FUT8: variants seen among roughly 807,000 people sequenced by gnomAD.
The protein encoded by FUT8 is alpha-(1,6)-fucosyltransferase.
Under a neutral mutation model 71.3 loss-of-function variants are expected in FUT8, and 29 were observed. The ratio of observed to expected loss-of-function variants is 0.41; its 90% confidence interval spans 0.30 to 0.55. The LOEUF is 0.55. Ranked by LOEUF, FUT8 falls within the 20% of genes least tolerant of loss-of-function variation. The probability of loss-of-function intolerance (pLI) is 0.34; values close to 1 mark genes in which losing one functional copy is unlikely to be tolerated. For synonymous variants in FUT8, 254 were observed against 239.3 expected (o/e 1.06, Z -0.57); for missense variants, 544 against 702.1 (o/e 0.77, Z 2.55).
chr14:65,405,697 C>T (rs927593748), upstream of FUT8, among the ~76,000 whole-genome samples: 1 of 152,212 alleles, frequency 6.6e-6, no homozygotes, highest in Non-Finnish European at 1.5e-5. Flanking sequence ...AACTACTGGT[C>T]AGCAAAACCT....
the FUT8 span, among the ~76,000 whole-genome samples, chr14:65,399,451 A>T: frequency 3.3e-5 from 5 of 152,254 alleles, no homozygotes; most frequent in African/African-American, 1.2e-4. Context: ...ATCCAAGGCC[A>T]TGAATGTTCA....
Position 65,742,178 on chromosome 14 carries a change from T to C in FUT8, c.1496T>C (p.Phe499Ser). ...NFHSLDDIYY[F>S]GGQNAHNQIA... ...CATTCTTTAGATGACATCTACTATT[T>C]TGGGGGCCAGAATGCCCACAATCAA... is the stretch of plus-strand genomic sequence containing the variant. Residue 499 changes from phenylalanine to serine, a missense_variant, in exon 11 of 11, where the codon TTT becomes TCT. Transcript: ENST00000673929. The C allele has an allele frequency of 6.2e-7, 1 of 1,613,168 alleles. No individual in the cohort carries two copies. The highest frequency in any genetic ancestry group is 1.1e-5 in the South Asian group (1 of 91,068).
At chr14:65,364,493 G>A in the FUT8 span, among the ~76,000 whole-genome samples, 21 of 152,218 alleles carry the variant, frequency 1.4e-4, no homozygotes, top group Non-Finnish European at 2.2e-4. Flanking sequence ...GTGAGCCACC[G>A]TGCCTGGCCT....
chr14:65,592,138 T>G (rs1161679448), intron 3 of FUT8, among the ~76,000 whole-genome samples: 2 of 152,174 alleles, frequency 1.3e-5, no homozygotes, highest in African/African-American at 4.8e-5. Flanking sequence ...TTTGTCAGCT[T>G]CATTTTTAAA....
rs143386625 is a variant in FUT8 at position 65,724,574 on chromosome 14, T to C, written c.1259+251T>C. On this transcript the variant is annotated intron_variant, in intron 9 of 10. Coordinates refer to ENST00000673929, the MANE Select transcript of FUT8 (RefSeq NM_001371533.1). ...ACTTACGCATTGTCACCAGCAATAA[T>C]CATTATTATCATTAAAAGTATCACC... Among the ~76,000 whole-genome samples the C allele has an allele frequency of 2.0e-3, 308 of 152,322 alleles. 1 individual carries two copies. The highest frequency in any genetic ancestry group is 0.014 in the Middle Eastern group (4 of 294).
chr14:65,615,636 G>C (rs1286684547), intron 3 of FUT8, among the ~76,000 whole-genome samples: 1 of 151,874 alleles, frequency 6.6e-6, no homozygotes. Context: ...CTTCACTTTT[G>C]TTACTCTCAA....
chr14:65,392,852 A>T, the FUT8 span, among the ~76,000 whole-genome samples: 1 of 152,236 alleles, frequency 6.6e-6, no homozygotes, highest in African/African-American at 2.4e-5. Flanking sequence ...GCCAATAAAA[A>T]TGCAGAACAC....
chr14:65,402,107 G>C, the FUT8 span, among the ~76,000 whole-genome samples: 1 of 151,594 alleles, frequency 6.6e-6, no homozygotes. Context: ...GTGATTCCTG[G>C]GTCCTTGCAC....
At chr14:65,366,388 C>T in the FUT8 span, among the ~76,000 whole-genome samples, 1 of 152,196 alleles carries the variant, frequency 6.6e-6, no homozygotes, top group African/African-American at 2.4e-5. Flanking sequence ...CTTAGAAAGA[C>T]TGGACATTGG....
intron 1 of FUT8, among the ~76,000 whole-genome samples, chr14:65,438,877 T>G (rs2065599982): frequency 6.6e-6 from 1 of 152,216 alleles, no homozygotes; most frequent in African/African-American, 2.4e-5. Flanking sequence ...TTGCTAGTTA[T>G]GTAGCACCTG....
At chr14:65,381,872 A>G in the FUT8 span, among the ~76,000 whole-genome samples, 1 of 152,148 alleles carries the variant, frequency 6.6e-6, no homozygotes, top group African/African-American at 2.4e-5. Context: ...CACCTTTTTA[A>G]TTGTAAGTTA....
intron 1 of FUT8, among the ~76,000 whole-genome samples, chr14:65,441,582 A>AAC (rs1407106193): frequency 1.3e-5 from 2 of 151,784 alleles, no homozygotes; most frequent in East Asian, 3.9e-4. Flanking sequence ...CTCTACTAAA[A>AAC]ACACACACAC....
intron 1 of FUT8, among the ~76,000 whole-genome samples, chr14:65,421,536 T>C (rs921797801): frequency 1.3e-5 from 2 of 152,220 alleles, no homozygotes; most frequent in East Asian, 3.8e-4. Context: ...GAAGGGTCCA[T>C]GTCATGAAGG....
At chr14:65,458,409 C>CTTTCTTGAATGAATAGTTTAAAG (rs74277739) in intron 2 of FUT8, among the ~76,000 whole-genome samples, 11,039 of 152,124 alleles carry the variant, frequency 0.073, 479 homozygotes, top group Admixed American at 0.12. Context: ...TCAGTTTAAA[C>CTTTCTTGAATGAATAGTTTAAAG]TTTCTTGAAT....
At chr14:65,377,181 G>A in the FUT8 span, among the ~76,000 whole-genome samples, 1 of 152,116 alleles carries the variant, frequency 6.6e-6, no homozygotes, top group African/African-American at 2.4e-5. Flanking sequence ...TATCCTACAT[G>A]CTGCAGCAGA....
intron 1 of FUT8, among the ~76,000 whole-genome samples, chr14:65,414,352 T>C (rs748117078): frequency 2.0e-5 from 3 of 152,206 alleles, no homozygotes; most frequent in Non-Finnish European, 4.4e-5. Context: ...GTTTTATGAC[T>C]AATTCTTTAA....
intron 3 of FUT8, among the ~76,000 whole-genome samples, chr14:65,598,227 A>AT (rs556117089): frequency 7.3e-4 from 110 of 150,666 alleles, no homozygotes; most frequent in Non-Finnish European, 1.2e-3. Context: ...CTAAAAAAAA[A>AT]TTTTTTTTTT....
At chr14:65,430,365 A>G (rs1460543203) in intron 1 of FUT8, 1 of 152,138 alleles carries the variant, frequency 6.6e-6, no homozygotes, top group African/African-American at 2.4e-5. Flanking sequence ...TGCCATATTT[A>G]TTTTAAAAGT....
At chr14:65,425,796 T>C (rs2065376408) in intron 1 of FUT8, among the ~76,000 whole-genome samples, 1 of 151,930 alleles carries the variant, frequency 6.6e-6, no homozygotes, top group South Asian at 2.1e-4. Flanking sequence ...GCCAACATAA[T>C]GAAACCCCAT....
Sources: allele counts gnomAD v4.1 joint callset (sites outside exome capture counted in the v4.1 genomes callset), GRCh38; gene constraint gnomAD v4.1.1; transcripts MANE v1.5; gene names NCBI Gene and HGNC (gene_info 2026-07-23, HGNC 2026-07-21).